TMCO4: variants seen among roughly 807,000 people sequenced by gnomAD.
The protein encoded by TMCO4 is transmembrane and coiled-coil domains 4.
TMCO4 carries 58 observed loss-of-function variants against 64.7 expected under a neutral mutation model. The ratio of observed to expected loss-of-function variants is 0.90; its 90% CI spans 0.73 to 1.12. TMCO4 has a LOEUF of 1.12. TMCO4 is among the 50% of genes most tolerant of loss of function. The pLI, the probability that TMCO4 is intolerant of heterozygous loss-of-function variation, is 0.00. For synonymous variants in TMCO4, 325 were observed against 346.1 expected (o/e 0.94, Z 0.68); for missense variants, 780 against 825.9 (o/e 0.94, Z 0.68).
intron 14 of TMCO4, among the ~76,000 whole-genome samples, chr1:19,694,994 G>A (rs1333425649): frequency 3.3e-5 from 5 of 152,240 alleles, no homozygotes; most frequent in Non-Finnish European, 7.3e-5. Context: ...AAGCAGAGAA[G>A]GTCCACCTGT....
At chr1:19,765,910 C>G (rs923710916) in intron 6 of TMCO4, among the ~76,000 whole-genome samples, 1 of 152,204 alleles carries the variant, frequency 6.6e-6, no homozygotes, top group Non-Finnish European at 1.5e-5. Context: ...CACAGATAGC[C>G]TCCTCCTCTG....
Position 19,689,958 on chromosome 1 carries a change from G to A in TMCO4, c.1500+4476C>T, listed in dbSNP as rs144309949. On this transcript the variant is annotated intron_variant, in intron 15 of 15. Transcript: ENST00000294543. ...AAGCCAAAAAAACAGCCTGAAGGCT[G>A]AAAGACTGGACTGCTGGTCCCACAT... Among the ~76,000 whole-genome samples, 635 of 152,342 alleles carry A rather than the reference G, an allele frequency of 4.2e-3. 5 individuals are homozygous for A. Among genetic ancestry groups the A allele is most frequent in the African/African-American group, 0.014 (576 of 41,586 alleles).
At chr1:19,742,210 C>T (rs968581884) in intron 10 of TMCO4, among the ~76,000 whole-genome samples, 7 of 152,138 alleles carry the variant, frequency 4.6e-5, no homozygotes, top group African/African-American at 1.7e-4. Flanking sequence ...ACAAATGCAC[C>T]CTCCACTTTT....
At chr1:19,699,492 T>C (rs987957591) in intron 14 of TMCO4, among the ~76,000 whole-genome samples, 1 of 105,246 alleles carries the variant, frequency 9.5e-6, no homozygotes, top group Non-Finnish European at 2.1e-5. Context: ...TATACATATA[T>C]ATATATATAT....
chr1:19,711,038 A>G (rs1456119445), intron 13 of TMCO4, among the ~76,000 whole-genome samples: 1 of 152,198 alleles, frequency 6.6e-6, no homozygotes, highest in African/African-American at 2.4e-5. Flanking sequence ...ACGGGAACTC[A>G]ATTTTCCCAT....
At chr1:19,697,305 T>TG (rs748520824) in intron 14 of TMCO4, among the ~76,000 whole-genome samples, 7 of 152,248 alleles carry the variant, frequency 4.6e-5, no homozygotes, top group African/African-American at 7.2e-5. Context: ...TTGCTCAGGC[T>TG]GGAGTGCAGT....
In TMCO4 at chr1:19,734,977, T is replaced by G. The variant is rs575873149; in HGVS notation, c.1264+2395A>C. ...GCACTAGCTCGTGGGCACAGCAGCA[T>G]GTGCCTGATTCCCTCACCCAAAGTC... On this transcript the variant is annotated intron_variant, in intron 13 of 15. Transcript: ENST00000294543. The surrounding 1 kb of genome is among the most constrained non-coding windows in gnomAD (Gnocchi z 4.4). Among the ~76,000 whole-genome samples, 1 of 152,168 alleles carries G rather than the reference T, an allele frequency of 6.6e-6. No individual in the cohort carries two copies. The highest frequency in any genetic ancestry group is 2.4e-5 in the African/African-American group (1 of 41,454).
At chr1:19,793,276 C>T (rs1400509779) in intron 2 of TMCO4, among the ~76,000 whole-genome samples, 1 of 152,078 alleles carries the variant, frequency 6.6e-6, no homozygotes, top group Non-Finnish European at 1.5e-5. Flanking sequence ...GAGATGGCTA[C>T]AGCGTCATGG....
intron 15 of TMCO4, among the ~76,000 whole-genome samples, chr1:19,691,835 G>A (rs1361074048): frequency 6.6e-6 from 1 of 152,192 alleles, no homozygotes; most frequent in Non-Finnish European, 1.5e-5. Flanking sequence ...CCCAGTGGGA[G>A]ATAATTGAAT....
intron 4 of TMCO4, among the ~76,000 whole-genome samples, chr1:19,777,851 C>A (rs1251491042): frequency 1.3e-5 from 2 of 152,118 alleles, no homozygotes; most frequent in Non-Finnish European, 2.9e-5. Flanking sequence ...CCAGCCCAGG[C>A]AGCATTGTGA....
At chr1:19,714,093 C>T (rs1441033911) in intron 13 of TMCO4, among the ~76,000 whole-genome samples, 1 of 150,086 alleles carries the variant, frequency 6.7e-6, no homozygotes. Flanking sequence ...TACACCACCA[C>T]ATCTAACTAA....
chr1:19,686,470 T>C (rs1234440802), intron 15 of TMCO4, among the ~76,000 whole-genome samples: 1 of 152,232 alleles, frequency 6.6e-6, no homozygotes, highest in African/African-American at 2.4e-5. Context: ...ATTAATCAAA[T>C]GATTTTTCAA....
intron 10 of TMCO4, among the ~76,000 whole-genome samples, chr1:19,742,645 C>G (rs1371595498): frequency 2.6e-5 from 4 of 152,214 alleles, no homozygotes; most frequent in Non-Finnish European, 5.9e-5. Flanking sequence ...TGATGTCAGC[C>G]TGGGTTCCAA....
intron 7 of TMCO4, among the ~76,000 whole-genome samples, chr1:19,754,000 CATAT>C (rs2042135267): frequency 6.6e-6 from 1 of 152,188 alleles, no homozygotes; most frequent in African/African-American, 2.4e-5. Flanking sequence ...AAACACTTCA[CATAT>C]ATATGAACTC....
chr1:19,703,789 C>A (rs1329765735), intron 13 of TMCO4, among the ~76,000 whole-genome samples: 1 of 152,158 alleles, frequency 6.6e-6, no homozygotes, highest in Non-Finnish European at 1.5e-5. Flanking sequence ...CTCAGGTGAT[C>A]CATCTGCCTC....
chr1:19,766,555 T>C (rs922176118), intron 6 of TMCO4, among the ~76,000 whole-genome samples: 2 of 152,166 alleles, frequency 1.3e-5, no homozygotes, highest in Non-Finnish European at 1.5e-5. Flanking sequence ...CATTTCACCA[T>C]GGCCACCATC....
chr1:19,769,322 T>A (rs2042879913), intron 6 of TMCO4, among the ~76,000 whole-genome samples: 1 of 152,042 alleles, frequency 6.6e-6, no homozygotes, highest in Non-Finnish European at 1.5e-5. Context: ...CCCTCACCCC[T>A]CCTCTCTCTG....
At chr1:19,736,550 G>A (rs573398226) in intron 13 of TMCO4, among the ~76,000 whole-genome samples, 1 of 152,146 alleles carries the variant, frequency 6.6e-6, no homozygotes, top group Non-Finnish European at 1.5e-5. Context: ...CATGTTCCAG[G>A]AGCAGTGAAC....
rs201852777 is a variant in TMCO4, at chr1:19,745,694, C to T, written c.758-43G>A. 3.8e-6 allele frequency: 6 copies of T among 1,565,772 alleles called. No homozygotes were observed. The East Asian group carries it at 1.1e-4, about 29-fold the overall frequency. ...AGAAAGAGAATGGAGGTGACTGGGG[C>T]CCCGGGGAACATCAGGGTGGCTGTA... On this transcript the variant is annotated intron_variant, in intron 9 of 15. Transcript: ENST00000294543.
Sources: allele counts gnomAD v4.1 joint callset (sites outside exome capture counted in the v4.1 genomes callset), GRCh38; gene constraint gnomAD v4.1.1; non-coding constraint Gnocchi (gnomAD v3.1); transcripts MANE v1.5; gene names NCBI Gene and HGNC (gene_info 2026-07-23, HGNC 2026-07-21).